The following NTM variants were observed in gnomAD, a reference collection of about 807,000 sequenced individuals.
The protein encoded by NTM is neurotrimin.
A neutral mutation model predicts 42.1 loss-of-function variants in NTM; 13 were observed. The ratio of observed to expected loss-of-function variants is 0.31; its 90% confidence interval spans 0.20 to 0.49. NTM has a LOEUF of 0.49. NTM is among the 20% of genes least tolerant of loss of function. The pLI is 0.99. For synonymous variants in NTM, 187 were observed against 179.2 expected, an observed-to-expected ratio of 1.04 and a Z score of -0.35; for missense variants, 373 against 452.8, an observed-to-expected ratio of 0.82 and a Z score of 1.60.
rs181493462 is a variant in NTM, at chr11:131,752,110, C to A, written c.83-159454C>A. 1.1e-4 allele frequency among the ~76,000 whole-genome samples: 16 copies of A among 152,258 alleles called. 3 individuals are homozygous for A. Among genetic ancestry groups the A allele is most frequent in the African/African-American group, 3.6e-4 (15 of 41,530 alleles). ...CTAGAAGTTGAAAGATTGATGGTAA[C>A]CAACTGTTGGGGAGGATATAGAGCC... is the stretch of plus-strand genomic sequence containing the variant. On this transcript the variant is annotated intron_variant, in intron 1 of 8. Coordinates refer to ENST00000683400, the MANE Select transcript of NTM (RefSeq NM_001352005.2).
At chr11:132,195,470 C>CA (rs371423167) in intron 3 of NTM, among the ~76,000 whole-genome samples, 5,257 of 133,874 alleles carry the variant, frequency 0.039, 221 homozygotes, top group African/African-American at 0.11. Flanking sequence ...TATATAGAAC[C>CA]AAAAAAAAAA....
chr11:131,962,836 T>C (rs2062376359), intron 2 of NTM, among the ~76,000 whole-genome samples: 1 of 152,130 alleles, frequency 6.6e-6, no homozygotes, highest in South Asian at 2.1e-4. Flanking sequence ...CCCCAAGTAG[T>C]GTGAGCAATG....
chr11:131,676,460 C>T (rs895512671), intron 1 of NTM, among the ~76,000 whole-genome samples: 1 of 151,922 alleles, frequency 6.6e-6, no homozygotes, highest in African/African-American at 2.4e-5. Flanking sequence ...TGTGTCTGTG[C>T]CTGTGTACAT....
Position 132,265,732 on chromosome 11 carries a change from A to C in NTM, c.527-41957A>C, listed in dbSNP as rs548183120. On this transcript the variant is annotated intron_variant, in intron 4 of 8. Transcript: ENST00000683400. ...AACCCGTGGCATGCAGTCGTTGTGC[A>C]TCAGGCACTATTTCAAGCATTTTTT... 5.3e-4 allele frequency among the ~76,000 whole-genome samples: 81 copies of C among 152,366 alleles called. No homozygotes were observed. The South Asian group carries it at 0.014, about 26-fold the overall frequency.
intron 1 of NTM, among the ~76,000 whole-genome samples, chr11:131,741,534 G>T (rs1003011659): frequency 3.3e-5 from 5 of 152,166 alleles, no homozygotes; most frequent in Non-Finnish European, 5.9e-5. Flanking sequence ...TTTTCCGGTA[G>T]AAATGTAATT....
intron 2 of NTM, among the ~76,000 whole-genome samples, chr11:132,116,033 G>C (rs896278403): frequency 1.3e-5 from 2 of 152,166 alleles, no homozygotes; most frequent in South Asian, 4.1e-4. Context: ...CCTTCTCTGC[G>C]TCTCTCTGAG....
At chr11:132,242,392 G>A (rs1281964352) in intron 4 of NTM, among the ~76,000 whole-genome samples, 1 of 152,068 alleles carries the variant, frequency 6.6e-6, no homozygotes, top group African/African-American at 2.4e-5. Context: ...GTTACATTTA[G>A]GGGAAAAAAG....
intron 2 of NTM, among the ~76,000 whole-genome samples, chr11:131,931,467 ACGTG>A (rs1454569216): frequency 4.4e-5 from 3 of 67,944 alleles, no homozygotes; most frequent in African/African-American, 1.3e-4. Flanking sequence ...AATAATATAT[ACGTG>A]TGTGTGTGTG....
At chr11:131,806,367 C>T (rs1428422854) in intron 1 of NTM, among the ~76,000 whole-genome samples, 3 of 152,156 alleles carry the variant, frequency 2.0e-5, no homozygotes, top group Non-Finnish European at 4.4e-5. Context: ...GTGGTTAAAA[C>T]TGCCCCACTT....
intron 2 of NTM, among the ~76,000 whole-genome samples, chr11:132,032,551 G>GA (rs1344047555): frequency 6.6e-6 from 1 of 152,090 alleles, no homozygotes; most frequent in Non-Finnish European, 1.5e-5. Context: ...GGTGATTGGG[G>GA]AGGTAAGAGC....
chr11:131,519,725 AC>A (rs2049360420), intron 1 of NTM, among the ~76,000 whole-genome samples: 1 of 137,006 alleles, frequency 7.3e-6, no homozygotes, highest in South Asian at 2.4e-4. Flanking sequence ...CGAGAGGTGA[AC>A]CTGCTTGTTA....
chr11:131,725,089 G>T (rs1276677014), intron 1 of NTM, among the ~76,000 whole-genome samples: 1 of 152,124 alleles, frequency 6.6e-6, no homozygotes, highest in Non-Finnish European at 1.5e-5. Context: ...GGGGAAAAAA[G>T]ACGTCAAAGA....
intron 1 of NTM, among the ~76,000 whole-genome samples, chr11:131,491,534 A>G (rs1954791001): frequency 6.6e-6 from 1 of 152,146 alleles, no homozygotes; most frequent in Admixed American, 6.5e-5. Context: ...TCAAAATGGC[A>G]TAATATTCAA....
chr11:131,625,539 G>A (rs547885203), intron 1 of NTM, among the ~76,000 whole-genome samples: 44 of 152,132 alleles, frequency 2.9e-4, no homozygotes, highest in African/African-American at 1.0e-3. Flanking sequence ...GATGAAGGAG[G>A]GAGGATAGAA....
intron 1 of NTM, among the ~76,000 whole-genome samples, chr11:131,659,347 G>T (rs182824206): frequency 3.3e-4 from 50 of 152,264 alleles, no homozygotes; most frequent in African/African-American, 1.2e-3. Flanking sequence ...AGGGTGCTTC[G>T]GGGTCCTCCT....
intron 1 of NTM, among the ~76,000 whole-genome samples, chr11:131,575,099 A>G (rs980834472): frequency 6.6e-6 from 1 of 152,202 alleles, no homozygotes; most frequent in Non-Finnish European, 1.5e-5. Context: ...ACTCTTTAAT[A>G]AAATGGGGAT....
chr11:132,191,630 C>T (rs2079342121), intron 3 of NTM, among the ~76,000 whole-genome samples: 1 of 152,188 alleles, frequency 6.6e-6, no homozygotes, highest in African/African-American at 2.4e-5. Flanking sequence ...TGTCTTCTTA[C>T]CTCCAAATGA....
At chr11:132,078,611 G>A (rs1303112046) in intron 2 of NTM, among the ~76,000 whole-genome samples, 6 of 152,230 alleles carry the variant, frequency 3.9e-5, no homozygotes, top group African/African-American at 1.4e-4. Flanking sequence ...GATAGAAACT[G>A]GGAGCTGCTT....
intron 2 of NTM, among the ~76,000 whole-genome samples, chr11:132,128,779 T>C (rs1247538962): frequency 2.0e-5 from 3 of 150,386 alleles, no homozygotes; most frequent in African/African-American, 7.3e-5. Flanking sequence ...AATAAAAAAA[T>C]AAAATAAAAT....
Sources: allele counts gnomAD v4.1 joint callset (sites outside exome capture counted in the v4.1 genomes callset), GRCh38; gene constraint gnomAD v4.1.1; transcripts MANE v1.5; gene names NCBI Gene and HGNC (gene_info 2026-07-23, HGNC 2026-07-21).